The following ZMYND11 variants were observed in gnomAD, a reference collection of about 807,000 sequenced individuals.
The protein encoded by ZMYND11 is zinc finger MYND-type containing 11.
A neutral mutation model predicts 84.9 loss-of-function variants in ZMYND11; 9 were observed. The ratio of observed to expected loss-of-function variants is 0.11; its 90% CI spans 0.06 to 0.18. The LOEUF is 0.18. ZMYND11 is among the 10% of genes least tolerant of loss of function. The pLI is 1.00. For missense variants in ZMYND11, 409 were observed against 761.0 expected (o/e 0.54, Z 5.44); for synonymous variants, 250 against 244.1 (o/e 1.02, Z -0.23).
At chr10:192,402 A>T (rs918175655) in intron 2 of ZMYND11, among the ~76,000 whole-genome samples, 4 of 152,188 alleles carry the variant, frequency 2.6e-5, no homozygotes, top group African/African-American at 9.7e-5. Context: ...AATAACTTGA[A>T]TGTTTTCAAG....
In ZMYND11 at chr10:175,923, C is replaced by A. The variant is rs112826599; in HGVS notation, c.-19-4071C>A. Among the ~76,000 whole-genome samples, 195 of 152,264 alleles carry A rather than the reference C, an allele frequency of 1.3e-3. 1 individual carries two copies. Among genetic ancestry groups the A allele is most frequent in the African/African-American group, 4.6e-3 (190 of 41,560 alleles). Reference sequence around the variant, plus strand: ...CTACCACCAGAAGTAAAAATCGAACCTATTTGGTGTTTTGAATTTTCACAC... The same window carrying A: ...CTACCACCAGAAGTAAAAATCGAACATATTTGGTGTTTTGAATTTTCACAC... On this transcript the variant is annotated intron_variant, in intron 1 of 14. Transcript: ENST00000381604.
chr10:155,519 G>A (rs1289051061), intron 1 of ZMYND11, among the ~76,000 whole-genome samples: 1 of 152,108 alleles, frequency 6.6e-6, no homozygotes, highest in Non-Finnish European at 1.5e-5. Flanking sequence ...ACAAAAAAAG[G>A]AATTTTGAAG....
At chr10:196,032 T>C (rs1367098669) in intron 2 of ZMYND11, among the ~76,000 whole-genome samples, 1 of 152,228 alleles carries the variant, frequency 6.6e-6, no homozygotes, top group Non-Finnish European at 1.5e-5. Flanking sequence ...TACTGTTCCC[T>C]GATGACGTAT....
intron 1 of ZMYND11, among the ~76,000 whole-genome samples, chr10:146,352 A>T (rs1838832322): frequency 6.6e-6 from 1 of 152,090 alleles, no homozygotes; most frequent in Admixed American, 6.6e-5. Context: ...TGGCTATTTG[A>T]GCCATTTTTT....
At chr10:218,095 C>T (rs188357339) in intron 3 of ZMYND11, among the ~76,000 whole-genome samples, 33 of 152,278 alleles carry the variant, frequency 2.2e-4, no homozygotes, top group Admixed American at 8.5e-4. Context: ...TCATGTCTTA[C>T]GCAAGTTTAT....
intron 11 of ZMYND11, 101 bp downstream of exon 11, chr10:247,074 CCTT>C: frequency 8.0e-7 from 1 of 1,242,440 alleles, no homozygotes; most frequent in South Asian, 1.4e-5. Context: ...TTGACGTTCT[CCTT>C]CCCTTTTTTA....
chr10:180,284 C>G lies in ZMYND11; in HGVS notation c.116+156C>G, dbSNP rs189953203. On this transcript the variant is annotated intron_variant, in intron 2 of 14. Coordinates refer to ENST00000381604, the MANE Select transcript of ZMYND11 (RefSeq NM_001370100.5). The stretch of plus-strand genomic sequence containing the variant: ...AGGAGTATTATTAGAAAAACAAACA[C>G]AGAAACATACACAAACAACTTGTGT... Among the ~76,000 whole-genome samples, 460 of 152,274 alleles carry G rather than the reference C, an allele frequency of 3.0e-3. No homozygotes were observed. The Middle Eastern group carries it at 0.031, about 10-fold the overall frequency.
At chr10:186,072 C>A (rs1386246492) in intron 2 of ZMYND11, among the ~76,000 whole-genome samples, 1 of 150,452 alleles carries the variant, frequency 6.6e-6, no homozygotes, top group Non-Finnish European at 1.5e-5. Flanking sequence ...TGCAGTGGAG[C>A]GATCTCGGCT....
chr10:252,675 G>A lies in ZMYND11; in HGVS notation c.*205G>A. On this transcript the variant is annotated 3_prime_UTR_variant, in exon 15 of 15. Coordinates refer to ENST00000381604, the MANE Select transcript of ZMYND11 (RefSeq NM_001370100.5). This position sits in a 1 kb window ranked among gnomAD's most constrained non-coding sequence, Gnocchi z 4.6. ...TCAGGGGGTAAAAGTAACATCAGTG[G>A]AGGGTATTATTTTAAATAAATTTTA... is the stretch of plus-strand genomic sequence containing the variant. 2 of 465,686 alleles carry A rather than the reference G, an allele frequency of 4.3e-6. No individual in the cohort carries two copies. The highest frequency in any genetic ancestry group is 1.1e-3 in the Middle Eastern group (2 of 1,744). The allele number at this position is 465,686 out of a possible 1,614,324, so 28.8% of individuals were successfully genotyped here.
At chr10:139,231 G>T (rs7898275) in intron 1 of ZMYND11, among the ~76,000 whole-genome samples, 141,434 of 152,266 alleles carry the variant, frequency 0.93, 66,043 homozygotes, top group Non-Finnish European at 0.98. Context: ...ATATTTTTCT[G>T]TTTTTCATAT....
Position 243,454 on chromosome 10 carries a change from TTTTC to T in ZMYND11, c.950+1319_950+1322del, listed in dbSNP as rs772649182. On this transcript the variant is annotated intron_variant, in intron 10 of 14. Transcript: ENST00000381604. The stretch of plus-strand genomic sequence containing the variant: ...TAATTAGAACTTTTTATCTATATAT[TTTTC>T]TTTTTCATCAACTTGCAAGTAGCTT... 6.6e-4 allele frequency among the ~76,000 whole-genome samples: 101 copies of T among 152,280 alleles called. No homozygotes were observed. In the Middle Eastern group the frequency reaches 0.01, roughly 15 times the overall value.
chr10:177,846 A>G (rs1846999524), intron 1 of ZMYND11, among the ~76,000 whole-genome samples: 1 of 152,150 alleles, frequency 6.6e-6, no homozygotes, highest in Non-Finnish European at 1.5e-5. Flanking sequence ...TTGAATTAAT[A>G]TACTACTACT....
intron 1 of ZMYND11, among the ~76,000 whole-genome samples, chr10:141,821 C>T (rs1217409959): frequency 2.0e-5 from 3 of 152,110 alleles, no homozygotes; most frequent in Admixed American, 1.3e-4. Context: ...AGCAAAGGAT[C>T]TTCATTCCTA....
chr10:237,700 C>G, intron 6 of ZMYND11, 23 bp downstream of exon 6: 1 of 1,556,188 alleles, frequency 6.4e-7, no homozygotes, highest in Non-Finnish European at 8.8e-7. Flanking sequence ...TCTTTTATTT[C>G]CACTTCAAGT....
chr10:228,855 C>T (rs1180535550), intron 4 of ZMYND11, among the ~76,000 whole-genome samples: 1 of 152,128 alleles, frequency 6.6e-6, no homozygotes, highest in Non-Finnish European at 1.5e-5. Context: ...CTTAAAGTTA[C>T]CAGAAAAAGT....
At chr10:249,526 G>T (rs1174291949) in intron 14 of ZMYND11, 2 of 984,774 alleles carry the variant, frequency 2.0e-6, no homozygotes, top group African/African-American at 3.5e-5. Context: ...TTTTGTTAAA[G>T]AAATCAGTTA....
At position 238,129 on chromosome 10, in the gene ZMYND11, C is replaced by A. The variant is rs1950280607; in HGVS notation, c.609+452C>A. Among the ~76,000 whole-genome samples, 4 of 152,278 alleles carry A rather than the reference C, an allele frequency of 2.6e-5. No individual in the cohort carries two copies. In the South Asian group the frequency reaches 8.3e-4, roughly 32 times the overall value. ...ATTATGATTAGAAAAGTTAATTATT[C>A]TTAAAGGTCTTAATTTTACCAACTA... On this transcript the variant is annotated intron_variant, in intron 6 of 14. Coordinates refer to ENST00000381604, the MANE Select transcript of ZMYND11 (RefSeq NM_001370100.5).
chr10:180,312 A>G (rs942062512), intron 2 of ZMYND11, among the ~76,000 whole-genome samples, 184 bp downstream of exon 2: 20 of 152,264 alleles, frequency 1.3e-4, no homozygotes, highest in Non-Finnish European at 2.9e-4. Context: ...ACTTGTGTTT[A>G]GAAGTTTCAT....
Position 179,935 on chromosome 10 carries a change from T to C in ZMYND11, c.-19-59T>C, listed in dbSNP as rs552285148. 65 of 1,020,550 alleles carry C rather than the reference T, an allele frequency of 6.4e-5. No homozygotes were observed. In the East Asian group the frequency reaches 1.5e-3, roughly 24 times the overall value. 63.2% of individuals were successfully genotyped at this position (1,020,550 alleles called of 1,614,324 possible). A position where few individuals can be genotyped will look rare whatever the true frequency, so the allele number is the denominator to read the frequency against. ...AGGTCCTGATAATGTTACTCACTTA[T>C]ACTGATAATTCATTTTGTAATCTGT... On this transcript the variant is annotated intron_variant, in intron 1 of 14. Transcript: ENST00000381604.
Sources: allele counts gnomAD v4.1 joint callset (sites outside exome capture counted in the v4.1 genomes callset), GRCh38; gene constraint gnomAD v4.1.1; non-coding constraint Gnocchi (gnomAD v3.1); transcripts MANE v1.5; gene names NCBI Gene and HGNC (gene_info 2026-07-23, HGNC 2026-07-21).